PTGES3L: variants seen among roughly 807,000 people sequenced by gnomAD.
PTGES3L encodes the protein prostaglandin E synthase 3 like.
A neutral mutation model predicts 25.0 loss-of-function variants in PTGES3L; 17 were observed. That is an observed-to-expected ratio of 0.68 (90% CI 0.47 to 1.02). PTGES3L has a LOEUF of 1.02. Ranked by LOEUF, PTGES3L falls within the 50% of genes least tolerant of loss-of-function variation. The probability of loss-of-function intolerance (pLI) is 0.00; values close to 1 mark genes in which losing one functional copy is unlikely to be tolerated. For missense variants in PTGES3L, 202 were observed against 197.5 expected (o/e 1.02, Z -0.14); for synonymous variants, 59 against 65.7 (o/e 0.90, Z 0.50).
chr17:42,973,539 T>G (rs1319302463), intron 4 of PTGES3L, among the ~76,000 whole-genome samples: 1 of 151,990 alleles, frequency 6.6e-6, no homozygotes, highest in East Asian at 1.9e-4. Flanking sequence ...ATGGCGGCTT[T>G]GTGGAATAGA....
Position 42,979,163 on chromosome 17 carries a change from C to CACCCACCTTGAT in PTGES3L, c.283_288+6dup. On this transcript the variant is annotated splice_region_variant and intron_variant, in intron 4 of 6. Transcript: ENST00000591916. ...GAGAAGAAGCAGGCCACTTTCCACA[C>CACCCACCTTGAT]ACCCACCTTGATATCCTCCTTGGTA... 1 of 1,614,174 alleles carries CACCCACCTTGAT rather than the reference C, an allele frequency of 6.2e-7. No homozygotes were observed. The highest frequency in any genetic ancestry group is 8.5e-7 in the Non-Finnish European group (1 of 1,180,020).
At chr17:42,974,316 C>T (rs952291632) in intron 4 of PTGES3L, among the ~76,000 whole-genome samples, 6 of 148,990 alleles carry the variant, frequency 4.0e-5, no homozygotes, top group South Asian at 4.2e-4. Flanking sequence ...GCTGAGATCG[C>T]GCCACTGCAC....
At chr17:42,979,990 G>GC in intron 1 of PTGES3L, 56 bp downstream of exon 1, 2 of 1,514,194 alleles carry the variant, frequency 1.3e-6, no homozygotes, top group Non-Finnish European at 1.8e-6. Flanking sequence ...AAGACTTGGA[G>GC]CAGGGAATCT....
Position 42,968,303 on chromosome 17 carries a change from G to T in PTGES3L, c.*845C>A, listed in dbSNP as rs548896387. ...CCTAGCACTTTGGGAGGCTGAGGTGGGTGGATTACTTGAGGTCAGGAGTTC... is the reference window on the plus strand; with the variant it reads ...CCTAGCACTTTGGGAGGCTGAGGTGTGTGGATTACTTGAGGTCAGGAGTTC... On this transcript the variant is annotated 3_prime_UTR_variant, in exon 7 of 7. Transcript: ENST00000591916. The T allele has an allele frequency of 2.0e-5, 3 of 152,172 alleles. No individual in the cohort carries two copies. The highest frequency in any genetic ancestry group is 7.2e-5 in the African/African-American group (3 of 41,522). 9.4% of individuals were successfully genotyped at this position (152,172 alleles called of 1,614,324 possible).
chr17:42,978,077 C>CAAAAAAAAAAAAAAAAAA (rs368420097), intron 4 of PTGES3L, among the ~76,000 whole-genome samples: 3 of 47,390 alleles, frequency 6.3e-5, no homozygotes, highest in African/African-American at 2.1e-4. Flanking sequence ...AACTCCGAAT[C>CAAAAAAAAAAAAAAAAAA]AAAAAAAAAA....
chr17:42,974,336 G>A (rs1424554159), intron 4 of PTGES3L, among the ~76,000 whole-genome samples: 7 of 150,300 alleles, frequency 4.7e-5, no homozygotes, highest in African/African-American at 1.7e-4. Flanking sequence ...CCCCAGCCTG[G>A]GCAACAAGAG....
At chr17:42,977,330 G>A (rs1388384913) in intron 4 of PTGES3L, among the ~76,000 whole-genome samples, 2 of 151,710 alleles carry the variant, frequency 1.3e-5, no homozygotes, top group Non-Finnish European at 2.9e-5. Flanking sequence ...GGAGGCTGAG[G>A]AAGGAGAATC....
chr17:42,978,620 C>T (rs691426), intron 4 of PTGES3L, among the ~76,000 whole-genome samples: 29,914 of 152,028 alleles, frequency 0.2, 3,077 homozygotes, highest in South Asian at 0.23. Context: ...ACCTGCATGA[C>T]GGGTTGATAG....
chr17:42,974,338 C>A (rs2049915875), intron 4 of PTGES3L, among the ~76,000 whole-genome samples: 1 of 135,736 alleles, frequency 7.4e-6, no homozygotes, highest in African/African-American at 2.8e-5. Context: ...CCAGCCTGGG[C>A]AACAAGAGTG....
rs541121867 is a variant in PTGES3L, at chr17:42,972,102, T to G, written c.289-406A>C. The G allele has an allele frequency of 7.7e-5, 14 of 182,410 alleles. No homozygotes were observed. The East Asian group carries it at 1.8e-3, about 23-fold the overall frequency. The allele number at this position is 182,410 out of a possible 1,614,324, so 11.3% of individuals were successfully genotyped here. On this transcript the variant is annotated intron_variant, in intron 4 of 6. Transcript: ENST00000591916. ...ACTCGGGAGGCTGAGGCAGGAGAATTGCTTGAGCCTGGGAGGCGGAGGTCG... is the reference window on the plus strand; with the variant it reads ...ACTCGGGAGGCTGAGGCAGGAGAATGGCTTGAGCCTGGGAGGCGGAGGTCG...
chr17:42,975,192 T>G (rs1477475690), intron 4 of PTGES3L, among the ~76,000 whole-genome samples: 2 of 144,432 alleles, frequency 1.4e-5, no homozygotes, highest in South Asian at 2.2e-4. Flanking sequence ...GGAAGCAAGC[T>G]GGGGAGGGAG....
At chr17:42,975,389 T>TTGA (rs1348914106) in intron 4 of PTGES3L, among the ~76,000 whole-genome samples, 1 of 152,122 alleles carries the variant, frequency 6.6e-6, no homozygotes, top group East Asian at 1.9e-4. Context: ...AAGGCATACC[T>TTGA]TGAGCAAAGG....
At chr17:42,977,882 C>A (rs1177765002) in intron 4 of PTGES3L, among the ~76,000 whole-genome samples, 1 of 151,410 alleles carries the variant, frequency 6.6e-6, no homozygotes, top group East Asian at 1.9e-4. Flanking sequence ...AGTTTGAGAC[C>A]AGCCTGGCCA....
chr17:42,971,785 TGGGGAAAA>T (rs2049841715), intron 4 of PTGES3L, 89 bp from the exon 5 acceptor site: 11 of 1,396,896 alleles, frequency 7.9e-6, no homozygotes, highest in Non-Finnish European at 1.0e-5. Flanking sequence ...GGAGCACGCC[TGGGGAAAA>T]GAGGGTCAGT....
intron 4 of PTGES3L, among the ~76,000 whole-genome samples, chr17:42,977,614 A>G (rs1184403738): frequency 8.7e-6 from 1 of 114,422 alleles, no homozygotes; most frequent in Non-Finnish European, 2.0e-5. Context: ...CAAAAAAAAA[A>G]AAAAGAAAAG....
At position 42,979,629 on chromosome 17, in the gene PTGES3L, T is replaced by G; in HGVS notation, c.43A>C (p.Arg15=). The G allele has an allele frequency of 3.7e-6, 6 of 1,614,080 alleles. No homozygotes were observed. The highest frequency in any genetic ancestry group is 4.2e-6 in the Non-Finnish European group (5 of 1,180,032). ...HARTLWYDRP[R]YVFMEFCVED... ...ACACAAAACTCCATGAACACATACC[T>G]GGGCCTGTCGTACCACAAGGTCCGG... The change falls in exon 2 of 7, where the codon AGG becomes CGG. Residue 15 remains arginine (R), a synonymous_variant. Transcript: ENST00000591916.
At chr17:42,978,818 A>C (rs1156280291) in intron 4 of PTGES3L, among the ~76,000 whole-genome samples, 1 of 151,986 alleles carries the variant, frequency 6.6e-6, no homozygotes, top group Non-Finnish European at 1.5e-5. Flanking sequence ...CTGAGCAACA[A>C]GGAGAAACCC....
rs371652688 is a variant in PTGES3L, at chr17:42,979,631, G to A, written c.41C>T (p.Pro14Leu). 27 of 1,613,988 alleles carry A rather than the reference G, an allele frequency of 1.7e-5. No homozygotes were observed. The highest frequency in any genetic ancestry group is 2.7e-5 in the African/African-American group (2 of 74,900). The change falls in exon 2 of 7, where the codon CCC (proline) becomes CTC (leucine). Residue 14 changes from proline to leucine, a missense_variant. Transcript: ENST00000591916. ...QHARTLWYDR[P>L]RYVFMEFCVE... ...ACAAAACTCCATGAACACATACCTG[G>A]GCCTGTCGTACCACAAGGTCCGGGC...
chr17:42,971,243 C>A (rs2049830943), intron 5 of PTGES3L, among the ~76,000 whole-genome samples: 1 of 151,092 alleles, frequency 6.6e-6, no homozygotes, highest in African/African-American at 2.4e-5. Flanking sequence ...TTGCAGTGAG[C>A]TGAGATCGCG....
Sources: allele counts gnomAD v4.1 joint callset (sites outside exome capture counted in the v4.1 genomes callset), GRCh38; gene constraint gnomAD v4.1.1; transcripts MANE v1.5; gene names NCBI Gene and HGNC (gene_info 2026-07-23, HGNC 2026-07-21).